MAML3: variants seen among roughly 807,000 people sequenced by gnomAD.
The protein encoded by MAML3 is mastermind-like protein 3.
MAML3 carries 27 observed loss-of-function variants against 101.9 expected under a neutral mutation model. The ratio of observed to expected loss-of-function variants is 0.27; its 90% CI spans 0.20 to 0.37. The LOEUF (loss-of-function observed/expected upper bound fraction) is 0.37, where lower values mean the gene tolerates loss of function less well. MAML3 is among the 10% of genes least tolerant of loss of function. MAML3 has a pLI of 1.00. For synonymous variants in MAML3, 501 were observed against 555.9 expected, an observed-to-expected ratio of 0.90 and a Z score of 1.39; for missense variants, 1,316 against 1,444.9, an observed-to-expected ratio of 0.91 and a Z score of 1.45.
intron 1 of MAML3, among the ~76,000 whole-genome samples, chr4:140,040,409 CAG>C (rs964125765): frequency 2.6e-5 from 4 of 152,214 alleles, no homozygotes; most frequent in African/African-American, 7.2e-5. Flanking sequence ...GATTCACAAA[CAG>C]AACTCATCTC....
At chr4:140,127,476 T>C (rs1728702504) in intron 1 of MAML3, among the ~76,000 whole-genome samples, 1 of 152,198 alleles carries the variant, frequency 6.6e-6, no homozygotes, top group Non-Finnish European at 1.5e-5. Flanking sequence ...CAATGGGGCC[T>C]AAACATGCTA....
chr4:139,871,750 C>T (rs1433182450), intron 2 of MAML3, among the ~76,000 whole-genome samples: 1 of 152,176 alleles, frequency 6.6e-6, no homozygotes, highest in East Asian at 1.9e-4. Flanking sequence ...AACCCAGTTT[C>T]CCTACTCCCC....
At chr4:139,734,834 C>T (rs1056167715) in intron 2 of MAML3, among the ~76,000 whole-genome samples, 5 of 152,268 alleles carry the variant, frequency 3.3e-5, no homozygotes. Flanking sequence ...CAGGGAATCA[C>T]AAAAGACGGC....
Position 139,735,625 on chromosome 4 carries a change from C to G in MAML3, c.2080-4958G>C, listed in dbSNP as rs979087517. On this transcript the variant is annotated intron_variant, in intron 2 of 4. Transcript: ENST00000509479. The surrounding 1 kb of genome is among the most constrained non-coding windows in gnomAD (Gnocchi z 5.8). ...CCGCTGCTTCGGCTCAGAGTCCTTG[C>G]AATCGCTTGGCCTACGAACAACCTA... is the stretch of plus-strand genomic sequence containing the variant. Among the ~76,000 whole-genome samples, 37 of 152,230 alleles carry G rather than the reference C, an allele frequency of 2.4e-4. No homozygotes were observed. Among genetic ancestry groups the G allele is most frequent in the African/African-American group, 8.9e-4 (37 of 41,458 alleles).
chr4:139,977,638 C>T (rs1450024757), intron 1 of MAML3, among the ~76,000 whole-genome samples: 9 of 152,124 alleles, frequency 5.9e-5, no homozygotes, highest in Middle Eastern at 3.4e-3. Flanking sequence ...CTTGGGAGGC[C>T]GAGGCGGTTG....
chr4:139,912,733 C>A (rs1236547730), intron 1 of MAML3, among the ~76,000 whole-genome samples: 1 of 152,216 alleles, frequency 6.6e-6, no homozygotes, highest in Non-Finnish European at 1.5e-5. Flanking sequence ...CAGCTGCAAG[C>A]TAAGGAATGC....
chr4:139,928,448 G>A (rs927870900), intron 1 of MAML3, among the ~76,000 whole-genome samples: 2 of 152,136 alleles, frequency 1.3e-5, no homozygotes, highest in Non-Finnish European at 2.9e-5. Flanking sequence ...GGACTGTTTG[G>A]AGAAACAACT....
At chr4:140,067,729 T>TC (rs1368653637) in intron 1 of MAML3, among the ~76,000 whole-genome samples, 1 of 146,120 alleles carries the variant, frequency 6.8e-6, no homozygotes, top group Non-Finnish European at 1.5e-5. Context: ...TCTTAATCTT[T>TC]TTTTTTTTTT....
At chr4:140,071,465 G>A (rs558102878) in intron 1 of MAML3, among the ~76,000 whole-genome samples, 21 of 152,244 alleles carry the variant, frequency 1.4e-4, no homozygotes, top group Non-Finnish European at 2.2e-4. Context: ...CCCTGCTATC[G>A]TGGACATTCC....
chr4:140,061,066 G>T (rs1030233624), intron 1 of MAML3, among the ~76,000 whole-genome samples: 9 of 152,178 alleles, frequency 5.9e-5, no homozygotes, highest in Admixed American at 3.9e-4. Flanking sequence ...AAAAAGGCAC[G>T]CACGTTTGAT....
intron 1 of MAML3, among the ~76,000 whole-genome samples, chr4:140,150,221 A>G (rs937046669): frequency 1.8e-4 from 28 of 152,230 alleles, no homozygotes; most frequent in Admixed American, 1.8e-3. Context: ...GGGATTCACT[A>G]TGAAATCTAC....
chr4:140,121,639 C>T (rs1197618920), intron 1 of MAML3, among the ~76,000 whole-genome samples: 1 of 152,150 alleles, frequency 6.6e-6, no homozygotes, highest in Admixed American at 6.5e-5. Context: ...TTTAATCCCT[C>T]AAAGTGATAT....
rs192976458 is a variant in MAML3, at chr4:139,813,675, C to G, written c.2079+75682G>C. Among the ~76,000 whole-genome samples, 7 of 152,118 alleles carry G rather than the reference C, an allele frequency of 4.6e-5. No individual in the cohort carries two copies. In the East Asian group the frequency reaches 9.7e-4, roughly 21 times the overall value. Reference sequence around the variant, plus strand: ...CATTCCACTGAAATGGGGACTAAACCAAGCCAGAGAAGACTTGGAATCCAT... The same window carrying G: ...CATTCCACTGAAATGGGGACTAAACGAAGCCAGAGAAGACTTGGAATCCAT... On this transcript the variant is annotated intron_variant, in intron 2 of 4. Coordinates refer to ENST00000509479, the MANE Select transcript of MAML3 (RefSeq NM_018717.5).
At chr4:139,766,530 A>G (rs749029461) in intron 2 of MAML3, among the ~76,000 whole-genome samples, 1 of 152,132 alleles carries the variant, frequency 6.6e-6, no homozygotes, top group Non-Finnish European at 1.5e-5. Flanking sequence ...GGAACTGCCA[A>G]CAATTTCTGG....
chr4:140,146,281 C>T (rs187723005), intron 1 of MAML3, among the ~76,000 whole-genome samples: 103 of 152,168 alleles, frequency 6.8e-4, no homozygotes, highest in Admixed American at 6.5e-3. Context: ...CAGAGAACGC[C>T]GAATGCTGTG....
At chr4:140,088,643 A>G (rs1727995845) in intron 1 of MAML3, among the ~76,000 whole-genome samples, 1 of 152,082 alleles carries the variant, frequency 6.6e-6, no homozygotes, top group South Asian at 2.1e-4. Context: ...TGCTTTATGC[A>G]CTGACAAACC....
At chr4:140,076,326 A>C (rs977756348) in intron 1 of MAML3, among the ~76,000 whole-genome samples, 2 of 152,194 alleles carry the variant, frequency 1.3e-5, no homozygotes, top group African/African-American at 4.8e-5. Context: ...TTAAGTTACC[A>C]TTTTAATTTT....
intron 1 of MAML3, among the ~76,000 whole-genome samples, chr4:140,106,620 G>T (rs140633635): frequency 1.8e-4 from 28 of 152,316 alleles, no homozygotes; most frequent in African/African-American, 6.0e-4. Flanking sequence ...GGAATTCATT[G>T]CAGCATGGAG....
intron 2 of MAML3, among the ~76,000 whole-genome samples, chr4:139,792,888 G>A (rs1195587240): frequency 6.6e-6 from 1 of 151,934 alleles, no homozygotes; most frequent in Non-Finnish European, 1.5e-5. Flanking sequence ...GGGACTATAG[G>A]CGCCCACCAC....
Sources: allele counts gnomAD v4.1 joint callset (sites outside exome capture counted in the v4.1 genomes callset), GRCh38; gene constraint gnomAD v4.1.1; non-coding constraint Gnocchi (gnomAD v3.1); transcripts MANE v1.5; gene names NCBI Gene and HGNC (gene_info 2026-07-23, HGNC 2026-07-21).